Variants in CCDC171 observed in about 807,000 individuals in gnomAD.
The protein encoded by CCDC171 is coiled-coil domain containing 171.
CCDC171 carries 177 observed loss-of-function variants against 168.2 expected under a neutral mutation model. The observed-to-expected ratio is 1.05, with a 90% CI of 0.93 to 1.19. The LOEUF (loss-of-function observed/expected upper bound fraction) is 1.19. CCDC171 is among the 50% of genes most tolerant of loss of function. CCDC171 has a pLI of 0.00. For synonymous variants in CCDC171, 687 were observed against 540.8 expected (o/e 1.27, Z -3.75); for missense variants, 1,991 against 1,539.0 (o/e 1.29, Z -4.91).
At chr9:15,853,724 G>A (rs1291483367) in intron 23 of CCDC171, among the ~76,000 whole-genome samples, 1 of 151,594 alleles carries the variant, frequency 6.6e-6, no homozygotes, top group Non-Finnish European at 1.5e-5. Flanking sequence ...GATATTAGCT[G>A]TGGGTTTTTT....
the CCDC171 span, among the ~76,000 whole-genome samples, chr9:16,098,157 T>C: frequency 6.6e-6 from 1 of 151,168 alleles, no homozygotes; most frequent in African/African-American, 2.5e-5. Flanking sequence ...ATCTTTTAGC[T>C]GAGAGACTTT....
intron 25 of CCDC171, among the ~76,000 whole-genome samples, chr9:15,934,766 T>G (rs1015224776): frequency 1.3e-5 from 2 of 151,976 alleles, no homozygotes; most frequent in Non-Finnish European, 2.9e-5. Context: ...AGTCCATCAG[T>G]TGATGAATAG....
At chr9:15,623,780 T>G in intron 7 of CCDC171, among the ~76,000 whole-genome samples, 1 of 152,176 alleles carries the variant, frequency 6.6e-6, no homozygotes, top group East Asian at 1.9e-4. Context: ...TTCTAAATCA[T>G]AAAAGTAATT....
At chr9:15,995,123 G>A (rs1002798917) in intron 3 of CCDC171, among the ~76,000 whole-genome samples, 3 of 152,136 alleles carry the variant, frequency 2.0e-5, no homozygotes, top group Non-Finnish European at 2.9e-5. Flanking sequence ...ATTGCTGCTA[G>A]CATGCTATTC....
intron 6 of CCDC171, among the ~76,000 whole-genome samples, chr9:15,601,770 T>C (rs1473656681): frequency 1.3e-5 from 2 of 152,204 alleles, no homozygotes; most frequent in African/African-American, 4.8e-5. Context: ...ATAAGTGTCT[T>C]AAAGGCTACT....
chr9:15,993,241 A>G, intron 3 of CCDC171, among the ~76,000 whole-genome samples: 1 of 152,156 alleles, frequency 6.6e-6, no homozygotes, highest in East Asian at 1.9e-4. Flanking sequence ...TGGTACCAAA[A>G]CAGAGATACA....
rs536595731 is a variant in CCDC171 at position 15,939,162 on chromosome 9, C to A, written c.3753+18740C>A. On this transcript the variant is annotated intron_variant, in intron 25 of 25. Coordinates refer to ENST00000380701, the MANE Select transcript of CCDC171 (RefSeq NM_173550.4). ...GAATTATGTCTACACCTATTTATAT[C>A]TATATACTGTGTCTAAATAGATAAT... is the stretch of plus-strand genomic sequence containing the variant. 2.0e-5 allele frequency among the ~76,000 whole-genome samples: 3 copies of A among 150,866 alleles called. No homozygotes were observed. The East Asian group carries it at 5.9e-4, about 29-fold the overall frequency.
At chr9:15,729,271 C>A (rs547849642) in intron 15 of CCDC171, among the ~76,000 whole-genome samples, 3 of 151,898 alleles carry the variant, frequency 2.0e-5, no homozygotes, top group African/African-American at 7.2e-5. Context: ...ACTTTTTTTC[C>A]CATTGAGATA....
At chr9:16,100,218 G>T in the CCDC171 span, among the ~76,000 whole-genome samples, 1 of 152,164 alleles carries the variant, frequency 6.6e-6, no homozygotes, top group South Asian at 2.1e-4. Flanking sequence ...TTTATGAGAG[G>T]AAAAACCTAA....
intron 23 of CCDC171, among the ~76,000 whole-genome samples, chr9:15,855,623 C>T (rs1373100958): frequency 4.6e-5 from 7 of 151,770 alleles, no homozygotes; most frequent in Admixed American, 6.6e-5. Context: ...AGTTCTTCTA[C>T]GATTCCTTCT....
At chr9:15,596,299 T>C (rs1174791647) in intron 6 of CCDC171, among the ~76,000 whole-genome samples, 1 of 152,106 alleles carries the variant, frequency 6.6e-6, no homozygotes, top group African/African-American at 2.4e-5. Context: ...AAGTCTTTAA[T>C]CCATCTTGAA....
chr9:16,009,821 C>G (rs897439354), intron 3 of CCDC171, among the ~76,000 whole-genome samples: 3 of 151,944 alleles, frequency 2.0e-5, no homozygotes, highest in Non-Finnish European at 4.4e-5. Context: ...TTTATTTGAG[C>G]TGCTATAAAA....
intron 24 of CCDC171, among the ~76,000 whole-genome samples, chr9:15,891,744 G>A (rs148982836): frequency 6.6e-6 from 1 of 152,266 alleles, no homozygotes; most frequent in African/African-American, 2.4e-5. Flanking sequence ...TGGAACTCCT[G>A]TTCTTTATTT....
chr9:15,577,198 C>A (rs1215651517), intron 3 of CCDC171, among the ~76,000 whole-genome samples: 1 of 152,140 alleles, frequency 6.6e-6, no homozygotes, highest in Non-Finnish European at 1.5e-5. Flanking sequence ...TGCCCTGGGG[C>A]TGTACTAAAT....
At chr9:15,928,638 C>A (rs188467168) in intron 25 of CCDC171, among the ~76,000 whole-genome samples, 1 of 151,632 alleles carries the variant, frequency 6.6e-6, no homozygotes, top group African/African-American at 2.4e-5. Context: ...TCATTTTACC[C>A]TTTGCTAAAT....
intron 18 of CCDC171, among the ~76,000 whole-genome samples, chr9:15,763,172 G>A (rs2056543013): frequency 6.6e-6 from 1 of 152,174 alleles, no homozygotes; most frequent in Non-Finnish European, 1.5e-5. Context: ...GGTGAAGTCT[G>A]GGATGGCTCC....
At chr9:16,060,214 C>A (rs751263736) in intron 1 of CCDC171, among the ~76,000 whole-genome samples, 1 of 152,134 alleles carries the variant, frequency 6.6e-6, no homozygotes, top group Admixed American at 6.5e-5. Context: ...AGATCTTGGA[C>A]TGTTTTGACA....
intron 21 of CCDC171, among the ~76,000 whole-genome samples, chr9:15,809,142 A>G (rs1404698763): frequency 1.3e-5 from 2 of 152,176 alleles, no homozygotes; most frequent in African/African-American, 4.8e-5. Flanking sequence ...ATTTTTTGGG[A>G]ACATAAAACA....
chr9:15,743,624 A>G (rs1006492930), intron 16 of CCDC171, among the ~76,000 whole-genome samples: 1 of 152,242 alleles, frequency 6.6e-6, no homozygotes, highest in Non-Finnish European at 1.5e-5. Context: ...CAACTTGATT[A>G]GGCAAAAAGG....
Sources: allele counts gnomAD v4.1 joint callset (sites outside exome capture counted in the v4.1 genomes callset), GRCh38; gene constraint gnomAD v4.1.1; transcripts MANE v1.5; gene names NCBI Gene and HGNC (gene_info 2026-07-23, HGNC 2026-07-21).